Variants in SRR observed in about 807,000 individuals in gnomAD.
SRR encodes the protein D-serine ammonia-lyase.
Under a neutral mutation model 32.7 loss-of-function variants are expected in SRR, and 19 were observed. The ratio of observed to expected loss-of-function variants is 0.58; its 90% CI spans 0.40 to 0.85. The LOEUF (loss-of-function observed/expected upper bound fraction) is 0.85, where lower values mean the gene tolerates loss of function less well. SRR is among the 40% of genes least tolerant of loss of function. The pLI, the probability that SRR is intolerant of heterozygous loss-of-function variation, is 0.00. For missense variants in SRR, 373 were observed against 404.7 expected (o/e 0.92, Z 0.67); for synonymous variants, 142 against 140.9 (o/e 1.01, Z -0.06).
intron 4 of SRR, among the ~76,000 whole-genome samples, chr17:2,320,837 T>A (rs1291857663): frequency 2.0e-5 from 3 of 152,206 alleles, no homozygotes; most frequent in Non-Finnish European, 4.4e-5. Flanking sequence ...GCTGGGATTA[T>A]AGGTGTCAGC....
chr17:2,320,347 C>T (rs1189351922), intron 4 of SRR, among the ~76,000 whole-genome samples: 2 of 149,218 alleles, frequency 1.3e-5, no homozygotes, highest in African/African-American at 5.0e-5. Context: ...CCTCCGCCTC[C>T]TGGGTTCAAG....
intron 1 of SRR, chr17:2,309,698 T>G (rs1303863158): frequency 1.3e-5 from 2 of 152,588 alleles, no homozygotes; most frequent in Admixed American, 1.3e-4. Flanking sequence ...ACCTAATTGA[T>G]ACTGTGTTAC....
rs541097672 is a variant in SRR, at chr17:2,315,468, GTCTAT to G, written c.-4-85_-4-81del. The G allele has an allele frequency of 1.7e-4, 218 of 1,278,122 alleles. 6 individuals carry two copies. The South Asian group carries it at 3.2e-3, about 19-fold the overall frequency. The allele number at this position is 1,278,122 out of a possible 1,614,324, so 79.2% of individuals were successfully genotyped here. A position where few individuals can be genotyped will look rare whatever the true frequency, so the allele number is the denominator to read the frequency against. On this transcript the variant is annotated intron_variant, in intron 1 of 7. Coordinates refer to ENST00000344595, the MANE Select transcript of SRR (RefSeq NM_021947.3). ...TTCCACATGACACCACAGGCCCCAG[GTCTAT>G]TCTGTTACGTATTTTCAAAATCTCT...
At chr17:2,317,772 T>C (rs2075488820) in intron 2 of SRR, 98 bp from the exon 3 acceptor site, 2 of 1,257,906 alleles carry the variant, frequency 1.6e-6, no homozygotes, top group Admixed American at 4.2e-5. Context: ...GGTGACAGAT[T>C]GGATGTGCAT....
At chr17:2,313,490 C>T (rs2151431663) in intron 1 of SRR, among the ~76,000 whole-genome samples, 3 of 151,452 alleles carry the variant, frequency 2.0e-5, no homozygotes, top group Middle Eastern at 6.9e-3. Context: ...AATACCAGCA[C>T]TTTGGGAGGC....
intron 1 of SRR, 49 bp from the exon 2 acceptor site, chr17:2,315,507 CA>C: frequency 6.5e-7 from 1 of 1,541,668 alleles, no homozygotes. Context: ...CTTCAATAAA[CA>C]TACTGTCTCA....
At chr17:2,319,820 TC>T (rs1305614260) in intron 4 of SRR, among the ~76,000 whole-genome samples, 88 of 102,154 alleles carry the variant, frequency 8.6e-4, no homozygotes, top group African/African-American at 2.5e-3. Context: ...ACTTGTCTCT[TC>T]TTTTTTTTTT....
In SRR at chr17:2,325,238, C is replaced by T. The variant is rs1037860917; in HGVS notation, c.*1365C>T. On this transcript the variant is annotated 3_prime_UTR_variant, in exon 8 of 8. Coordinates refer to ENST00000344595, the MANE Select transcript of SRR (RefSeq NM_021947.3). ...CATTTGGCTCCCAAATTTAAATAAA[C>T]AAGAGAAAACGGTGTTCATCTATTA... The T allele has an allele frequency of 4.2e-6, 5 of 1,197,470 alleles. No homozygotes were observed. The African/African-American group carries it at 6.1e-5, about 15-fold the overall frequency. The allele number at this position is 1,197,470 out of a possible 1,614,324, so 74.2% of individuals were successfully genotyped here.
At chr17:2,321,465 G>T (rs112057361) in intron 5 of SRR, 40 bp downstream of exon 5, 1 of 1,612,220 alleles carries the variant, frequency 6.2e-7, no homozygotes, top group African/African-American at 1.3e-5. Context: ...TACTGGTAAA[G>T]CTGTTGGGCT....
chr17:2,306,999 T>C (rs1381513607), intron 1 of SRR: 21 of 1,384,348 alleles, frequency 1.5e-5, no homozygotes, highest in Non-Finnish European at 1.6e-5. Flanking sequence ...ACAAGGTGGA[T>C]GGAAGAGTTG....
chr17:2,305,327 T>C (rs946570278), intron 1 of SRR, among the ~76,000 whole-genome samples: 1 of 152,198 alleles, frequency 6.6e-6, no homozygotes, highest in Non-Finnish European at 1.5e-5. Context: ...AAAACTTTCT[T>C]AGGACAAATG....
intron 6 of SRR, 136 bp downstream of exon 6, chr17:2,321,752 G>C: frequency 5.6e-6 from 4 of 709,582 alleles, no homozygotes; most frequent in East Asian, 2.8e-5. Context: ...TGAGATGAAG[G>C]CCCATCTCTG....
At chr17:2,311,726 AGAATT>A (rs1281291296) in intron 1 of SRR, among the ~76,000 whole-genome samples, 2 of 152,238 alleles carry the variant, frequency 1.3e-5, no homozygotes, top group African/African-American at 4.8e-5. Flanking sequence ...TTCACCTGAA[AGAATT>A]GATATGTGAG....
rs983606699 is a variant in SRR at position 2,310,506 on chromosome 17, C to G, written c.-4-5051C>G. Among the ~76,000 whole-genome samples the G allele has an allele frequency of 3.3e-5, 5 of 152,114 alleles. No individual in the cohort carries two copies. The South Asian group carries it at 6.2e-4, about 19-fold the overall frequency. On this transcript the variant is annotated intron_variant, in intron 1 of 7. Transcript: ENST00000344595. ...ACAGGTATGAGCCACTGCATCCTGCCAAGGGGGCATAATTGACATTTATTC... is the reference window on the plus strand; with the variant it reads ...ACAGGTATGAGCCACTGCATCCTGCGAAGGGGGCATAATTGACATTTATTC...
At chr17:2,323,626 C>A in intron 7 of SRR, 29 bp from the exon 8 acceptor site, 1 of 1,608,996 alleles carries the variant, frequency 6.2e-7, no homozygotes, top group Non-Finnish European at 8.5e-7. Context: ...TCCCCTTTCA[C>A]TAATTCCTAC....
At chr17:2,316,862 G>A (rs886178651) in intron 2 of SRR, among the ~76,000 whole-genome samples, 9 of 147,202 alleles carry the variant, frequency 6.1e-5, no homozygotes, top group East Asian at 2.0e-4. Flanking sequence ...ACAGGCGCCT[G>A]CCACCACGCC....
chr17:2,320,281 A>G (rs2151435930), intron 4 of SRR, among the ~76,000 whole-genome samples: 1 of 117,514 alleles, frequency 8.5e-6, no homozygotes, highest in African/African-American at 3.4e-5. Context: ...TTTTTTAGAC[A>G]GAATCTCCCC....
chr17:2,314,515 G>A (rs1271759956), intron 1 of SRR, among the ~76,000 whole-genome samples: 2 of 151,640 alleles, frequency 1.3e-5, no homozygotes, highest in African/African-American at 2.4e-5. Flanking sequence ...CCCGGGAGGC[G>A]GAGCTTGCAG....
Position 2,323,652 on chromosome 17 carries a change from C to T in SRR, c.805-3C>T. 1 of 1,613,974 alleles carries T rather than the reference C, an allele frequency of 6.2e-7. No homozygotes were observed. The highest frequency in any genetic ancestry group is 8.5e-7 in the Non-Finnish European group (1 of 1,179,874). On this transcript the variant is annotated splice_region_variant and splice_polypyrimidine_tract_variant and intron_variant, in intron 7 of 7. Coordinates refer to ENST00000344595, the MANE Select transcript of SRR (RefSeq NM_021947.3). ...TAATTCCTACTCCCTTCCATATCAA[C>T]AGTGTGCAACCCAGCTGGTGTGGGA...
Sources: allele counts gnomAD v4.1 joint callset (sites outside exome capture counted in the v4.1 genomes callset), GRCh38; gene constraint gnomAD v4.1.1; transcripts MANE v1.5; gene names NCBI Gene and HGNC (gene_info 2026-07-23, HGNC 2026-07-21).